The following SEC14L1 variants were observed in gnomAD, a reference collection of about 807,000 sequenced individuals.
The protein encoded by SEC14L1 is SEC14-like protein 1.
Under a neutral mutation model 85.3 loss-of-function variants are expected in SEC14L1, and 48 were observed. The observed-to-expected ratio is 0.56, with a 90% confidence interval of 0.45 to 0.72. The LOEUF (loss-of-function observed/expected upper bound fraction) is 0.72. SEC14L1 is among the 30% of genes least tolerant of loss of function. SEC14L1 has a pLI of 0.00. For synonymous variants in SEC14L1, 391 were observed against 355.5 expected, an observed-to-expected ratio of 1.10 and a Z score of -1.12; for missense variants, 682 against 921.4, an observed-to-expected ratio of 0.74 and a Z score of 3.36.
intron 3 of SEC14L1, among the ~76,000 whole-genome samples, chr17:77,154,959 G>A: frequency 6.6e-6 from 1 of 152,026 alleles, no homozygotes; most frequent in East Asian, 1.9e-4. Context: ...TGGATTGTTT[G>A]TTCCTTTTCC....
chr17:77,197,662 C>T (rs1464676692), intron 8 of SEC14L1, among the ~76,000 whole-genome samples: 1 of 151,984 alleles, frequency 6.6e-6, no homozygotes, highest in Non-Finnish European at 1.5e-5. Flanking sequence ...CTCCGTCACC[C>T]AGGCTGGTGC....
At chr17:77,142,792 G>A (rs1194344469) in intron 2 of SEC14L1, 42 bp downstream of exon 2, 1 of 152,218 alleles carries the variant, frequency 6.6e-6, no homozygotes, top group Admixed American at 6.5e-5. Flanking sequence ...AAATAGGGGA[G>A]ACAGAGGACT....
upstream of SEC14L1, among the ~76,000 whole-genome samples, chr17:77,138,769 G>A (rs938423097): frequency 1.3e-5 from 2 of 152,162 alleles, no homozygotes; most frequent in African/African-American, 4.8e-5. Context: ...TGCTGCAGAC[G>A]GCTATGATTA....
intron 2 of SEC14L1, among the ~76,000 whole-genome samples, chr17:77,092,453 G>A (rs1971540007): frequency 6.6e-6 from 1 of 152,150 alleles, no homozygotes. Context: ...CAAAAGGCGG[G>A]AAGCATGGAA....
In SEC14L1 at chr17:77,173,792, C is replaced by T. The variant is rs553625439; in HGVS notation, c.64-17011C>T. 1.6e-4 allele frequency among the ~76,000 whole-genome samples: 25 copies of T among 152,262 alleles called. No homozygotes were observed. In the South Asian group the frequency reaches 2.3e-3, roughly 14 times the overall value. ...TAGCAGGAGACCTAAGGGGCTGTCC[C>T]GGGAAATTCTATTGTCTTGCTTGGG... On this transcript the variant is annotated intron_variant, in intron 3 of 16. Transcript: ENST00000436233.
At chr17:77,195,160 GTGTT>G (rs537545832) in intron 7 of SEC14L1, 59 of 516,498 alleles carry the variant, frequency 1.1e-4, no homozygotes, top group East Asian at 1.1e-3. Context: ...ATACCAGAAG[GTGTT>G]TGTTTGTTTG....
rs1460451377 is a variant in SEC14L1 at position 77,194,886 on chromosome 17, T to C, written c.684T>C (p.Pro228=). The change falls in exon 7 of 17, where the codon CCT becomes CCC. Residue 228 remains proline, a synonymous_variant. Coordinates refer to ENST00000436233, the MANE Select transcript of SEC14L1 (RefSeq NM_001143998.2). ...SGDALSSPSA[P]EPVVGTPDDK... Reference sequence around the variant, plus strand: ...ATGCCCTCAGCAGCCCCAGCGCACCTGAGCCCGTGGTGGGCACCCCTGACG... The same window carrying C: ...ATGCCCTCAGCAGCCCCAGCGCACCCGAGCCCGTGGTGGGCACCCCTGACG... The C allele has an allele frequency of 1.2e-6, 2 of 1,614,050 alleles. No individual in the cohort carries two copies. Among genetic ancestry groups the C allele is most frequent in the Non-Finnish European group, 1.7e-6 (2 of 1,179,908 alleles).
chr17:77,103,656 AGTCTT>A (rs1971833868), intron 3 of SEC14L1, among the ~76,000 whole-genome samples: 5 of 116,058 alleles, frequency 4.3e-5, no homozygotes, highest in Admixed American at 9.4e-5. Context: ...TGGCCAGGCC[AGTCTT>A]GAACTCCTGA....
chr17:77,191,873 T>G (rs527990146), intron 5 of SEC14L1, among the ~76,000 whole-genome samples: 1 of 151,970 alleles, frequency 6.6e-6, no homozygotes, highest in African/African-American at 2.4e-5. Context: ...CTCAGCTCAC[T>G]GCAACCTCTG....
At chr17:77,212,943 G>A (rs1397139379) in intron 15 of SEC14L1, among the ~76,000 whole-genome samples, 2 of 152,216 alleles carry the variant, frequency 1.3e-5, no homozygotes, top group African/African-American at 4.8e-5. Context: ...CTGGATGATT[G>A]GCAGCATGTC....
intron 3 of SEC14L1, among the ~76,000 whole-genome samples, chr17:77,186,262 C>T (rs1296501192): frequency 6.6e-6 from 1 of 152,208 alleles, no homozygotes; most frequent in Non-Finnish European, 1.5e-5. Flanking sequence ...CTCACCACTT[C>T]CCTCCCCTGG....
In SEC14L1 at chr17:77,216,776, C is replaced by T. The variant is rs913021445; in HGVS notation, c.*2753C>T. ...ACCGCACAAATGCTTACAGGGTTTC[C>T]TCCCGAGTAATCCAATCTCACTCCC... is the stretch of plus-strand genomic sequence containing the variant. On this transcript the variant is annotated 3_prime_UTR_variant, in exon 17 of 17. Transcript: ENST00000436233. The T allele has an allele frequency of 5.1e-5, 41 of 799,308 alleles. No homozygotes were observed. The African/African-American group carries it at 6.9e-4, about 13-fold the overall frequency. The allele number at this position is 799,308 out of a possible 1,614,324, so 49.5% of individuals were successfully genotyped here.
chr17:77,101,296 T>C (rs1378983268), intron 3 of SEC14L1, among the ~76,000 whole-genome samples: 2 of 152,110 alleles, frequency 1.3e-5, no homozygotes, highest in Non-Finnish European at 2.9e-5. Flanking sequence ...GCAATTATCC[T>C]GTGCCTCCTG....
intron 3 of SEC14L1, among the ~76,000 whole-genome samples, chr17:77,107,806 C>T (rs1437463443): frequency 7.9e-5 from 12 of 152,198 alleles, no homozygotes; most frequent in Admixed American, 7.9e-4. Flanking sequence ...TTACTTGGAG[C>T]TTGCTGACAC....
chr17:77,215,723 C>CGTAGGTAGGGCTA lies in SEC14L1; in HGVS notation c.*1711_*1723dup. 1 of 991,046 alleles carries CGTAGGTAGGGCTA rather than the reference C, an allele frequency of 1.0e-6. No individual in the cohort carries two copies. Among genetic ancestry groups the CGTAGGTAGGGCTA allele is most frequent in the Non-Finnish European group, 1.2e-6 (1 of 833,436 alleles). 61.4% of individuals were successfully genotyped at this position (991,046 alleles called of 1,614,324 possible). A position where few individuals can be genotyped will look rare whatever the true frequency, so the allele number is the denominator to read the frequency against. The stretch of plus-strand genomic sequence containing the variant: ...TGCTTCCGGAAAGCGCGGTAGGGTT[C>CGTAGGTAGGGCTA]GTAGGTAGGGCTAGTAGGTAGGGTT... On this transcript the variant is annotated 3_prime_UTR_variant, in exon 17 of 17. Transcript: ENST00000436233.
chr17:77,214,759 G>T lies in SEC14L1; in HGVS notation c.*736G>T. The T allele has an allele frequency of 1.0e-6, 1 of 985,470 alleles. No homozygotes were observed. The highest frequency in any genetic ancestry group is 1.2e-6 in the Non-Finnish European group (1 of 829,988). 61.0% of individuals were successfully genotyped at this position (985,470 alleles called of 1,614,324 possible). A position where few individuals can be genotyped will look rare whatever the true frequency, so the allele number is the denominator to read the frequency against. On this transcript the variant is annotated 3_prime_UTR_variant, in exon 17 of 17. Transcript: ENST00000436233. The stretch of plus-strand genomic sequence containing the variant: ...ATACTTTTTAGAGCAGGATTTTTCT[G>T]TATGTGAACTTGGGTGGGGGGGTTC...
intron 3 of SEC14L1, among the ~76,000 whole-genome samples, chr17:77,157,523 A>G (rs1973863602): frequency 6.7e-6 from 1 of 149,232 alleles, no homozygotes; most frequent in South Asian, 2.1e-4. Context: ...GGTGGTTTCT[A>G]TTATAACTTT....
chr17:77,124,267 G>T (rs1598254776), intron 3 of SEC14L1, among the ~76,000 whole-genome samples: 1 of 152,224 alleles, frequency 6.6e-6, no homozygotes, highest in Admixed American at 6.5e-5. Flanking sequence ...GGGGGGCTGA[G>T]GGGGGAGGAT....
chr17:77,133,704 C>T (rs1305143152), intron 3 of SEC14L1, among the ~76,000 whole-genome samples: 5 of 151,782 alleles, frequency 3.3e-5, no homozygotes, highest in Admixed American at 2.6e-4. Context: ...TTTGGGAGGC[C>T]GAGGCGGGTG....
Sources: gnomAD v4.1 joint callset for allele counts (sites outside exome capture counted in the v4.1 genomes callset) on GRCh38, gnomAD v4.1.1 for gene constraint, MANE v1.5 for transcripts, NCBI Gene and HGNC (gene_info 2026-07-23, HGNC 2026-07-21) for gene names.